Variants in CTNND2 observed in about 807,000 individuals in gnomAD.
CTNND2 encodes the protein catenin delta-2.
CTNND2 carries 22 observed loss-of-function variants against 144.4 expected under a neutral mutation model. The ratio of observed to expected loss-of-function variants is 0.15; its 90% CI spans 0.11 to 0.22. The LOEUF is 0.22. CTNND2 is among the 10% of genes least tolerant of loss of function. The pLI is 1.00. For synonymous variants in CTNND2, 751 were observed against 695.6 expected (o/e 1.08, Z -1.25); for missense variants, 1,353 against 1,618.8 (o/e 0.84, Z 2.82).
At chr5:11,902,295 T>C (rs1737967586) in intron 1 of CTNND2, among the ~76,000 whole-genome samples, 1 of 152,184 alleles carries the variant, frequency 6.6e-6, no homozygotes, top group Admixed American at 6.5e-5. Flanking sequence ...GTTTAAAGCA[T>C]CTAGTTCGTA....
intron 16 of CTNND2, among the ~76,000 whole-genome samples, chr5:11,026,545 T>C (rs1219749785): frequency 6.6e-6 from 1 of 151,760 alleles, no homozygotes; most frequent in Non-Finnish European, 1.5e-5. Context: ...TTAGTATAGA[T>C]GGGGTTTCAC....
At chr5:11,312,054 C>T (rs1750997795) in intron 9 of CTNND2, among the ~76,000 whole-genome samples, 1 of 149,006 alleles carries the variant, frequency 6.7e-6, no homozygotes, top group Non-Finnish European at 1.5e-5. Context: ...CACACACTTG[C>T]CATACACCCT....
chr5:11,068,100 C>T (rs2907097), intron 16 of CTNND2, among the ~76,000 whole-genome samples: 81,132 of 151,994 alleles, frequency 0.53, 22,975 homozygotes, highest in East Asian at 0.84. Context: ...AATGGGATAT[C>T]TCAGAGGAAA....
intron 1 of CTNND2, among the ~76,000 whole-genome samples, chr5:11,750,727 TTTA>T (rs1382959627): frequency 6.6e-6 from 1 of 151,802 alleles, no homozygotes; most frequent in Non-Finnish European, 1.5e-5. Context: ...AACAGTAATT[TTTA>T]TTATATTTTA....
chr5:11,316,054 G>A (rs908983457), intron 9 of CTNND2, among the ~76,000 whole-genome samples: 3 of 151,990 alleles, frequency 2.0e-5, no homozygotes, highest in Non-Finnish European at 1.5e-5. Context: ...TATTAACAAG[G>A]TTTCTAAATG....
At chr5:11,596,225 A>T (rs968537377) in intron 2 of CTNND2, among the ~76,000 whole-genome samples, 2 of 152,230 alleles carry the variant, frequency 1.3e-5, no homozygotes, top group Non-Finnish European at 2.9e-5. Flanking sequence ...TTGACTACTA[A>T]GAATACTGCA....
chr5:11,044,545 C>CAT (rs35127513), intron 16 of CTNND2, among the ~76,000 whole-genome samples: 34,491 of 146,398 alleles, frequency 0.24, 4,178 homozygotes, highest in Non-Finnish European at 0.28. Context: ...AAAAAAAATA[C>CAT]ATATATATAT....
intron 16 of CTNND2, among the ~76,000 whole-genome samples, chr5:11,039,667 G>A (rs527632370): frequency 7.0e-4 from 107 of 152,308 alleles, no homozygotes; most frequent in African/African-American, 2.6e-3. Flanking sequence ...GAGACCAGCT[G>A]GAGCCAGGGG....
intron 9 of CTNND2, among the ~76,000 whole-genome samples, chr5:11,327,389 C>CA (rs1302988491): frequency 6.6e-6 from 1 of 152,128 alleles, no homozygotes; most frequent in Non-Finnish European, 1.5e-5. Context: ...CTATGAAAGG[C>CA]AAGTTGAAAC....
intron 9 of CTNND2, among the ~76,000 whole-genome samples, chr5:11,269,835 A>C (rs1159018010): frequency 2.0e-5 from 3 of 152,206 alleles, no homozygotes; most frequent in Non-Finnish European, 4.4e-5. Flanking sequence ...ATATAACATA[A>C]ACCAAAAGGC....
intron 9 of CTNND2, among the ~76,000 whole-genome samples, chr5:11,316,420 T>G (rs927027251): frequency 6.6e-6 from 1 of 151,738 alleles, no homozygotes; most frequent in African/African-American, 2.4e-5. Context: ...TATCATCTCT[T>G]TTAATCTTTT....
At position 11,346,568 on chromosome 5, in the gene CTNND2, G is replaced by A. The variant is rs1483677548; in HGVS notation, c.1432C>T (p.Pro478Ser). The A allele has an allele frequency of 2.5e-6, 4 of 1,599,610 alleles. No homozygotes were observed. The African/African-American group carries it at 5.4e-5, about 22-fold the overall frequency. Residue 478 changes from proline (P) to serine (S), a missense_variant, in exon 9 of 22, where the codon CCA (proline) becomes TCA (serine). Transcript: ENST00000304623. ...PLQRTGSQHG[P>S]QNAAAATFQR... ...AAGGTGGCCGCGGCGGCATTCTGTG[G>A]GCCGTGCTGGCTGCCTGTGCGCTGC...
At chr5:11,121,467 T>A (rs984671383) in intron 12 of CTNND2, among the ~76,000 whole-genome samples, 6 of 152,198 alleles carry the variant, frequency 3.9e-5, no homozygotes, top group Non-Finnish European at 8.8e-5. Flanking sequence ...TAATATCTCA[T>A]CCTTATTAGT....
In CTNND2 at chr5:10,975,540, C is replaced by T. The variant is rs146671109; in HGVS notation, c.3418-1827G>A. On this transcript the variant is annotated intron_variant, in intron 21 of 21. Coordinates refer to ENST00000304623, the MANE Select transcript of CTNND2 (RefSeq NM_001332.4). ...GAAGCACAGAGAAGTTAAGAAACTT[C>T]TCCAAAACGTCATAGCTAGTGGTGT... is the stretch of plus-strand genomic sequence containing the variant. Among the ~76,000 whole-genome samples, 12 of 152,298 alleles carry T rather than the reference C, an allele frequency of 7.9e-5. 1 individual carries two copies. In the East Asian group the frequency reaches 2.1e-3, roughly 27 times the overall value.
intron 9 of CTNND2, among the ~76,000 whole-genome samples, chr5:11,309,619 G>A (rs891637422): frequency 6.6e-6 from 1 of 152,168 alleles, no homozygotes; most frequent in Non-Finnish European, 1.5e-5. Context: ...ACTCTGGACT[G>A]AGGACTTTTG....
chr5:11,321,854 C>A (rs979620222), intron 9 of CTNND2, among the ~76,000 whole-genome samples: 1 of 152,132 alleles, frequency 6.6e-6, no homozygotes, highest in Non-Finnish European at 1.5e-5. Flanking sequence ...ATGTCTGATT[C>A]TAAAGCAGAG....
chr5:11,684,305 T>C (rs928743299), intron 2 of CTNND2, among the ~76,000 whole-genome samples: 2 of 152,040 alleles, frequency 1.3e-5, no homozygotes, highest in Non-Finnish European at 2.9e-5. Flanking sequence ...GGTTTCACCA[T>C]GTTAGCCAGG....
chr5:11,520,419 G>T (rs1772619545), intron 3 of CTNND2, among the ~76,000 whole-genome samples: 1 of 152,190 alleles, frequency 6.6e-6, no homozygotes, highest in African/African-American at 2.4e-5. Flanking sequence ...GATGAACTAG[G>T]TCATGCTGGA....
At chr5:11,849,064 G>A (rs577708413) in intron 1 of CTNND2, among the ~76,000 whole-genome samples, 7 of 152,206 alleles carry the variant, frequency 4.6e-5, no homozygotes, top group East Asian at 3.9e-4. Flanking sequence ...AGACATACCC[G>A]AGACTAGGTC....
Sources: gnomAD v4.1 joint callset for allele counts (sites outside exome capture counted in the v4.1 genomes callset) on GRCh38, gnomAD v4.1.1 for gene constraint, MANE v1.5 for transcripts, NCBI Gene and HGNC (gene_info 2026-07-23, HGNC 2026-07-21) for gene names.